DNM3: variants seen among roughly 807,000 people sequenced by gnomAD.
DNM3 encodes dynamin-3.
A neutral mutation model predicts 101.6 loss-of-function variants in DNM3; 47 were observed. The observed-to-expected ratio is 0.46, with a 90% confidence interval of 0.37 to 0.59. DNM3 has a LOEUF of 0.59. Among genes scored for constraint, DNM3 ranks in the 20% least tolerant of loss-of-function variants. The pLI, the probability that DNM3 is intolerant of heterozygous loss-of-function variation, is 0.00. For synonymous variants in DNM3, 385 were observed against 387.9 expected (o/e 0.99, Z 0.09); for missense variants, 849 against 1,085.7 (o/e 0.78, Z 3.06).
At chr1:172,271,947 A>G (rs2148751437) in intron 15 of DNM3, among the ~76,000 whole-genome samples, 1 of 152,286 alleles carries the variant, frequency 6.6e-6, no homozygotes, top group South Asian at 2.1e-4. Flanking sequence ...GGTGATAGAT[A>G]TGAGTTTTCC....
At chr1:172,364,963 G>T (rs1426675014) in intron 17 of DNM3, among the ~76,000 whole-genome samples, 2 of 151,822 alleles carry the variant, frequency 1.3e-5, no homozygotes, top group African/African-American at 2.4e-5. Flanking sequence ...TGTACAGCCT[G>T]CAGAGTCCTG....
downstream of DNM3, among the ~76,000 whole-genome samples, chr1:172,415,534 T>TG: frequency 1.6e-5 from 2 of 121,298 alleles, no homozygotes; most frequent in Non-Finnish European, 3.6e-5. Flanking sequence ...GTTTTTTTTT[T>TG]TTTTTTTTTT....
At chr1:172,243,635 C>T (rs2061829950) in intron 14 of DNM3, among the ~76,000 whole-genome samples, 1 of 152,084 alleles carries the variant, frequency 6.6e-6, no homozygotes, top group South Asian at 2.1e-4. Context: ...GTCTAAAGAC[C>T]GTGGAGTTTT....
At chr1:171,977,680 T>C (rs2044480265) in intron 2 of DNM3, among the ~76,000 whole-genome samples, 1 of 152,246 alleles carries the variant, frequency 6.6e-6, no homozygotes, top group South Asian at 2.1e-4. Flanking sequence ...CTCTATGTCT[T>C]TGGCTTATAT....
intron 14 of DNM3, among the ~76,000 whole-genome samples, chr1:172,201,637 G>C (rs1247448169): frequency 6.6e-6 from 1 of 152,208 alleles, no homozygotes; most frequent in East Asian, 1.9e-4. Flanking sequence ...GCTTGTTGTA[G>C]TGTGAATAAG....
chr1:171,847,094 T>C (rs1339636458), intron 1 of DNM3, among the ~76,000 whole-genome samples: 3 of 152,166 alleles, frequency 2.0e-5, no homozygotes, highest in African/African-American at 2.4e-5. Flanking sequence ...TTTATTGAGT[T>C]CTAAGTTTAC....
intron 16 of DNM3, 110 bp from the exon 17 acceptor site, chr1:172,323,219 T>G: frequency 1.7e-6 from 2 of 1,200,358 alleles, no homozygotes; most frequent in Non-Finnish European, 2.3e-6. Flanking sequence ...AAAAACCTCA[T>G]TTTATTTTTT....
At chr1:171,916,511 G>A (rs528149086) in intron 1 of DNM3, among the ~76,000 whole-genome samples, 9 of 152,200 alleles carry the variant, frequency 5.9e-5, no homozygotes, top group Admixed American at 5.9e-4. Flanking sequence ...AGAAGGAGGG[G>A]CATCAGAAGG....
chr1:171,950,458 A>G (rs745422582), intron 2 of DNM3, among the ~76,000 whole-genome samples: 31 of 152,174 alleles, frequency 2.0e-4, no homozygotes, highest in Non-Finnish European at 4.4e-4. Flanking sequence ...CCAATTGTGC[A>G]CTAATGAAAG....
intron 17 of DNM3, chr1:172,378,295 A>G (rs1175524086): frequency 6.6e-6 from 1 of 152,076 alleles, no homozygotes; most frequent in Non-Finnish European, 1.5e-5. Context: ...CTCAAGTCTC[A>G]TAGTATAGGA....
intron 4 of DNM3, among the ~76,000 whole-genome samples, chr1:172,023,108 C>T (rs1434853583): frequency 6.6e-6 from 1 of 152,114 alleles, no homozygotes; most frequent in Non-Finnish European, 1.5e-5. Flanking sequence ...ACTTTAAAAA[C>T]ATTCTGGATT....
chr1:172,269,625 T>C (rs889577523), intron 15 of DNM3, among the ~76,000 whole-genome samples: 11 of 152,244 alleles, frequency 7.2e-5, no homozygotes, highest in Non-Finnish European at 1.3e-4. Context: ...TTAGTCACTC[T>C]GAAGAACTGG....
chr1:172,258,539 AGTTTGTT>A (rs1030027485), intron 15 of DNM3, among the ~76,000 whole-genome samples: 2 of 151,932 alleles, frequency 1.3e-5, no homozygotes, highest in Non-Finnish European at 2.9e-5. Flanking sequence ...TAGGTTTTCT[AGTTTGTT>A]AGTGCATAGT....
chr1:171,909,071 G>A (rs2039070780), intron 1 of DNM3, among the ~76,000 whole-genome samples: 1 of 152,088 alleles, frequency 6.6e-6, no homozygotes, highest in African/African-American at 2.4e-5. Context: ...AGTCTTTGCT[G>A]TCTCTGAACT....
rs144137317 is a variant in DNM3, at chr1:172,043,952, T to C, written c.1129-433T>C. ...TTTACAAAGAGGCCTTTAACTCAAA[T>C]GATTTAAGTGGCCAGGGACAAAAGA... is the stretch of plus-strand genomic sequence containing the variant. On this transcript the variant is annotated intron_variant, in intron 8 of 20. Coordinates refer to ENST00000627582, the MANE Select transcript of DNM3 (RefSeq NM_015569.5). Among the ~76,000 whole-genome samples the C allele has an allele frequency of 4.5e-4, 68 of 152,304 alleles. No homozygotes were observed. The East Asian group carries it at 0.01, about 23-fold the overall frequency.
At chr1:172,164,143 G>A (rs2058660969) in intron 14 of DNM3, among the ~76,000 whole-genome samples, 1 of 151,402 alleles carries the variant, frequency 6.6e-6, no homozygotes, top group Non-Finnish European at 1.5e-5. Flanking sequence ...AACAACAGTA[G>A]CTTCCTACTT....
chr1:172,055,380 G>A (rs373931154), intron 10 of DNM3, among the ~76,000 whole-genome samples: 11 of 152,038 alleles, frequency 7.2e-5, no homozygotes, highest in Admixed American at 3.3e-4. Flanking sequence ...GTCTTTCTCC[G>A]ACTTTTCTAT....
chr1:172,373,352 C>T (rs2149042754), intron 17 of DNM3, among the ~76,000 whole-genome samples: 1 of 152,172 alleles, frequency 6.6e-6, no homozygotes, highest in South Asian at 2.1e-4. Context: ...CTGATTTCTT[C>T]TCCTAAACTA....
chr1:171,859,098 T>A (rs1431591796), intron 1 of DNM3, among the ~76,000 whole-genome samples: 1 of 152,194 alleles, frequency 6.6e-6, no homozygotes, highest in Non-Finnish European at 1.5e-5. Context: ...TCTTGGGATG[T>A]CATACAAGGC....
Sources: gnomAD v4.1 joint callset for allele counts (sites outside exome capture counted in the v4.1 genomes callset) on GRCh38, gnomAD v4.1.1 for gene constraint, MANE v1.5 for transcripts, NCBI Gene and HGNC (gene_info 2026-07-23, HGNC 2026-07-21) for gene names.